The following DLG2 variants were observed in gnomAD, a reference collection of about 807,000 sequenced individuals.
DLG2 encodes the protein discs large MAGUK scaffold protein 2, also known as disks large homolog 2.
Under a neutral mutation model 132.5 loss-of-function variants are expected in DLG2, and 45 were observed. The observed-to-expected ratio is 0.34, with a 90% CI of 0.27 to 0.44. DLG2 has a LOEUF of 0.44. Among genes scored for constraint, DLG2 ranks in the 20% least tolerant of loss-of-function variants. DLG2 has a pLI of 1.00. For missense variants in DLG2, 1,045 were observed against 1,196.9 expected, an observed-to-expected ratio of 0.87 and a Z score of 1.87; for synonymous variants, 424 against 419.6, an observed-to-expected ratio of 1.01 and a Z score of -0.13.
intron 6 of DLG2, among the ~76,000 whole-genome samples, chr11:84,824,678 T>C (rs2078112540): frequency 6.6e-6 from 1 of 151,912 alleles, no homozygotes; most frequent in South Asian, 2.1e-4. Flanking sequence ...AGAAAGGTTT[T>C]GCATCTTGTC....
chr11:85,352,569 T>C (rs1348516021), intron 3 of DLG2, among the ~76,000 whole-genome samples: 1 of 152,218 alleles, frequency 6.6e-6, no homozygotes, highest in South Asian at 2.1e-4. Flanking sequence ...CTCTACACTC[T>C]GCTTTAAATG....
At chr11:83,774,765 G>A (rs559751552) in intron 18 of DLG2, among the ~76,000 whole-genome samples, 3 of 152,166 alleles carry the variant, frequency 2.0e-5, no homozygotes, top group South Asian at 4.1e-4. Context: ...TGTCATTTAC[G>A]CATGGCCTAC....
At chr11:84,620,910 T>C (rs2099612698) in intron 6 of DLG2, among the ~76,000 whole-genome samples, 2 of 152,166 alleles carry the variant, frequency 1.3e-5, no homozygotes, top group East Asian at 1.9e-4. Flanking sequence ...CTGCATTGTT[T>C]GCAGTAGCAA....
At chr11:83,940,206 A>G (rs2082334702) in intron 14 of DLG2, among the ~76,000 whole-genome samples, 1 of 152,154 alleles carries the variant, frequency 6.6e-6, no homozygotes, top group Non-Finnish European at 1.5e-5. Context: ...TCCACCCCTA[A>G]ACATTAGAAA....
intron 7 of DLG2, among the ~76,000 whole-genome samples, chr11:84,483,239 C>T (rs931385775): frequency 2.6e-5 from 4 of 151,984 alleles, no homozygotes; most frequent in African/African-American, 9.7e-5. Flanking sequence ...TCAAGACCAG[C>T]CTGGCCAACC....
intron 6 of DLG2, among the ~76,000 whole-genome samples, chr11:84,638,619 G>C (rs754938867): frequency 2.0e-5 from 3 of 152,140 alleles, no homozygotes; most frequent in Non-Finnish European, 4.4e-5. Context: ...TTTTGAAATT[G>C]CTCAACTAGC....
intron 6 of DLG2, among the ~76,000 whole-genome samples, chr11:84,944,830 G>T (rs557913472): frequency 1.3e-5 from 2 of 152,006 alleles, no homozygotes; most frequent in South Asian, 4.2e-4. Flanking sequence ...GGTCTTGATC[G>T]CCTGACCTCA....
intron 3 of DLG2, among the ~76,000 whole-genome samples, chr11:85,597,519 T>A (rs1176113161): frequency 6.6e-6 from 1 of 151,950 alleles, no homozygotes; most frequent in Admixed American, 6.6e-5. Flanking sequence ...TAATTCTTGC[T>A]AGCCACAATA....
chr11:84,684,802 T>G (rs1052829519), intron 6 of DLG2, among the ~76,000 whole-genome samples: 1 of 152,226 alleles, frequency 6.6e-6, no homozygotes, highest in Non-Finnish European at 1.5e-5. Flanking sequence ...ATGTGAATTA[T>G]TACTGCAATC....
intron 19 of DLG2, among the ~76,000 whole-genome samples, chr11:83,620,840 A>G (rs933894375): frequency 1.6e-5 from 2 of 126,844 alleles, no homozygotes; most frequent in African/African-American, 3.0e-5. Context: ...ACTGCACTCC[A>G]GCCTGGGCGA....
intron 10 of DLG2, among the ~76,000 whole-genome samples, chr11:84,081,575 GT>G (rs565475347): frequency 2.7e-3 from 416 of 152,318 alleles, no homozygotes; most frequent in African/African-American, 9.4e-3. Context: ...AACATATGGT[GT>G]TTGGTTTTGT....
intron 3 of DLG2, among the ~76,000 whole-genome samples, chr11:85,592,894 A>C (rs1383384123): frequency 6.6e-6 from 1 of 151,918 alleles, no homozygotes; most frequent in African/African-American, 2.4e-5. Context: ...CAGAGGTTGC[A>C]GTGAGCTGAG....
intron 3 of DLG2, among the ~76,000 whole-genome samples, chr11:85,290,109 C>T (rs1223243442): frequency 6.6e-6 from 1 of 152,092 alleles, no homozygotes; most frequent in Non-Finnish European, 1.5e-5. Flanking sequence ...TATTCCCTCT[C>T]TTTTTAAGGA....
Position 84,707,314 on chromosome 11 carries a change from A to G in DLG2, c.358-172583T>C, listed in dbSNP as rs117171334. On this transcript the variant is annotated intron_variant, in intron 6 of 27. Transcript: ENST00000376104. ...ATAAAGATTTTTATTTTTTTCATTC[A>G]GATATATTTGATTCTACAAATCTCC... is the stretch of plus-strand genomic sequence containing the variant. 9.1e-3 allele frequency among the ~76,000 whole-genome samples: 1,389 copies of G among 151,872 alleles called. 11 individuals carry two copies. The highest frequency in any genetic ancestry group is 0.013 in the African/African-American group (526 of 41,500).
intron 7 of DLG2, among the ~76,000 whole-genome samples, chr11:84,362,774 C>T (rs2098657422): frequency 6.6e-6 from 1 of 151,922 alleles, no homozygotes; most frequent in South Asian, 2.1e-4. Context: ...GTTTTTTGTT[C>T]TTGCGATAGT....
chr11:85,571,976 G>A (rs1265866009), intron 3 of DLG2, among the ~76,000 whole-genome samples: 1 of 152,130 alleles, frequency 6.6e-6, no homozygotes, highest in Non-Finnish European at 1.5e-5. Context: ...CAGGGGTAAT[G>A]CTGATCTGGG....
At chr11:85,005,608 T>C (rs2058582539) in intron 6 of DLG2, among the ~76,000 whole-genome samples, 2 of 152,294 alleles carry the variant, frequency 1.3e-5, no homozygotes, top group South Asian at 4.1e-4. Context: ...AGTTGCTTAT[T>C]GGCTTAAAGA....
intron 3 of DLG2, among the ~76,000 whole-genome samples, chr11:85,445,614 AG>A (rs1198546397): frequency 2.0e-5 from 3 of 152,164 alleles, no homozygotes; most frequent in Non-Finnish European, 2.9e-5. Flanking sequence ...TGGGAGGTGG[AG>A]GTTGCAGTGA....
At chr11:84,819,632 A>G (rs2077459317) in intron 6 of DLG2, among the ~76,000 whole-genome samples, 1 of 151,894 alleles carries the variant, frequency 6.6e-6, no homozygotes, top group African/African-American at 2.4e-5. Context: ...GATAAAATGA[A>G]GCATCAACTA....
Sources: gnomAD v4.1 joint callset for allele counts (sites outside exome capture counted in the v4.1 genomes callset) on GRCh38, gnomAD v4.1.1 for gene constraint, MANE v1.5 for transcripts, NCBI Gene and HGNC (gene_info 2026-07-23, HGNC 2026-07-21) for gene names.